PCSK1: variants seen among roughly 807,000 people sequenced by gnomAD.
PCSK1 encodes the protein neuroendocrine convertase 1.
In PCSK1, 56 loss-of-function variants were observed where a neutral mutation model predicts 90.6. The observed-to-expected ratio is 0.62, with a 90% CI of 0.50 to 0.77. The LOEUF (loss-of-function observed/expected upper bound fraction) is 0.77. Among genes scored for constraint, PCSK1 ranks in the 30% least tolerant of loss-of-function variants. The probability of loss-of-function intolerance (pLI) is 0.00; values close to 1 mark genes in which losing one functional copy is unlikely to be tolerated. For missense variants in PCSK1, 801 were observed against 932.6 expected (o/e 0.86, Z 1.84); for synonymous variants, 348 against 342.4 (o/e 1.02, Z -0.18).
chr5:96,419,997 T>C (rs1761069927), intron 5 of PCSK1, among the ~76,000 whole-genome samples: 1 of 152,070 alleles, frequency 6.6e-6, no homozygotes, highest in African/African-American at 2.4e-5. Flanking sequence ...GGAAGGACCG[T>C]ATACTGCCTA....
At chr5:96,419,893 G>C (rs567447244) in intron 5 of PCSK1, among the ~76,000 whole-genome samples, 14 of 152,082 alleles carry the variant, frequency 9.2e-5, no homozygotes, top group Non-Finnish European at 1.8e-4. Context: ...AAAAACTCCA[G>C]AGAATGTCAT....
At chr5:96,423,788 G>A (rs1761199438) in intron 3 of PCSK1, among the ~76,000 whole-genome samples, 10 of 152,070 alleles carry the variant, frequency 6.6e-5, no homozygotes, top group Admixed American at 6.5e-4. Context: ...TTTCATCTAT[G>A]GAAGCTCTAT....
intron 3 of PCSK1, 23 bp from the exon 4 acceptor site, chr5:96,423,482 C>T (rs745506699): frequency 6.2e-7 from 1 of 1,612,774 alleles, no homozygotes; most frequent in Non-Finnish European, 8.5e-7. Flanking sequence ...AACAACGAAG[C>T]ATTGATAAAA....
In PCSK1 at chr5:96,421,902, A is replaced by G; in HGVS notation, c.598T>C (p.Tyr200His). ...CACTTGTTCTCGTTTGTGGGATCAT[A>G]TCGGGGAAATGGATCATGGTCATTA... is the stretch of plus-strand genomic sequence containing the variant. ...NDNDHDPFPR[Y>H]DPTNENKHGT... The change falls in exon 5 of 14, where the codon TAT becomes CAT. Residue 200 changes from tyrosine (Y) to histidine (H), a missense_variant. Tyr to His is a moderately conservative substitution (Grantham distance 83). Transcript: ENST00000311106. 2 of 1,578,026 alleles carry G rather than the reference A, an allele frequency of 1.3e-6. No homozygotes were observed. The highest frequency in any genetic ancestry group is 1.7e-6 in the Non-Finnish European group (2 of 1,149,242).
chr5:96,424,027 G>T (rs1480681433), intron 3 of PCSK1, among the ~76,000 whole-genome samples: 3 of 152,198 alleles, frequency 2.0e-5, no homozygotes, highest in Non-Finnish European at 4.4e-5. Context: ...TGTGAGAGGA[G>T]ATTCAGGGTT....
intron 7 of PCSK1, among the ~76,000 whole-genome samples, chr5:96,411,892 C>T (rs1760765600): frequency 6.6e-6 from 1 of 152,218 alleles, no homozygotes; most frequent in South Asian, 2.1e-4. Context: ...TCACTGCTAC[C>T]TCCGCCTTCT....
chr5:96,432,758 T>A, intron 1 of PCSK1, 105 bp downstream of exon 1: 1 of 880,758 alleles, frequency 1.1e-6, no homozygotes, highest in Non-Finnish European at 1.9e-6. Flanking sequence ...TTTGCTACTC[T>A]GGGCTCTGGA....
chr5:96,400,815 C>T (rs375248216), intron 9 of PCSK1, among the ~76,000 whole-genome samples: 8 of 151,626 alleles, frequency 5.3e-5, no homozygotes, highest in Non-Finnish European at 8.8e-5. Context: ...AGGCTGGGCG[C>T]GGTGGCTCAC....
intron 9 of PCSK1, among the ~76,000 whole-genome samples, chr5:96,403,756 C>T (rs1760463926): frequency 6.6e-6 from 1 of 152,172 alleles, no homozygotes; most frequent in Non-Finnish European, 1.5e-5. Context: ...TCTAATCATA[C>T]CTAAATTAGC....
At chr5:96,412,836 G>T in intron 6 of PCSK1, 1 of 485,044 alleles carries the variant, frequency 2.1e-6, no homozygotes, top group Non-Finnish European at 2.8e-6. Context: ...AAGTGGAGCA[G>T]CATCCTTGGA....
In PCSK1 at chr5:96,432,318, C is replaced by T. The variant is rs1425997549; in HGVS notation, c.180+545G>A. On this transcript the variant is annotated intron_variant, in intron 1 of 13. Coordinates refer to ENST00000311106, the MANE Select transcript of PCSK1 (RefSeq NM_000439.5). The stretch of plus-strand genomic sequence containing the variant: ...CCTCCCAACCTCCTGGTCGCGAGTC[C>T]CAGCAGCTGGCACTCTTCCAATGCC... Among the ~76,000 whole-genome samples, 4 of 152,200 alleles carry T rather than the reference C, an allele frequency of 2.6e-5. 1 individual carries two copies. Among genetic ancestry groups the T allele is most frequent in the African/African-American group, 9.6e-5 (4 of 41,458 alleles).
chr5:96,391,040 A>G lies in PCSK1; in HGVS notation c.*1961T>C, dbSNP rs1299271540. ...ACTCTTTATTGGCCTTTCCGGGCCA[A>G]TCTAAGAATTCTCTGGTCCTTTTTA... On this transcript the variant is annotated 3_prime_UTR_variant, in exon 14 of 14. Transcript: ENST00000311106. The G allele has an allele frequency of 6.6e-6, 1 of 152,504 alleles. No homozygotes were observed. Among genetic ancestry groups the G allele is most frequent in the Non-Finnish European group, 1.5e-5 (1 of 68,034 alleles). The allele number at this position is 152,504 out of a possible 1,614,324, so 9.4% of individuals were successfully genotyped here.
In PCSK1 at chr5:96,410,901, G is replaced by C; in HGVS notation, c.968C>G (p.Thr323Arg). Residue 323 changes from threonine (T) to arginine (R), a missense_variant, in exon 8 of 14, where the codon ACA becomes AGA. Coordinates refer to ENST00000311106, the MANE Select transcript of PCSK1 (RefSeq NM_000439.5). ...GATGGAGATGGTGTAGATGCTGTCT[G>C]TGTAGCCATCACAGTCACAATTATC... ...QGDNCDCDGY[T>R]DSIYTISISS... is the part of the protein sequence containing the mutation. 1 of 1,613,938 alleles carries C rather than the reference G, an allele frequency of 6.2e-7. No individual in the cohort carries two copies. The highest frequency in any genetic ancestry group is 2.2e-5 in the East Asian group (1 of 44,870).
chr5:96,393,649 G>C (rs924138237), intron 13 of PCSK1, among the ~76,000 whole-genome samples: 1 of 152,184 alleles, frequency 6.6e-6, no homozygotes, highest in Non-Finnish European at 1.5e-5. Context: ...TTGAAGACTA[G>C]ATGAGACTGT....
intron 9 of PCSK1, among the ~76,000 whole-genome samples, chr5:96,407,783 T>C (rs1338054287): frequency 3.3e-5 from 5 of 152,216 alleles, no homozygotes; most frequent in African/African-American, 1.2e-4. Context: ...GGCTTACATA[T>C]TCAAAGAAAG....
chr5:96,409,481 G>C (rs1381039472), intron 8 of PCSK1, among the ~76,000 whole-genome samples: 14 of 152,186 alleles, frequency 9.2e-5, no homozygotes, highest in Non-Finnish European at 4.4e-5. Flanking sequence ...TTATGTTACT[G>C]AGACTGTCTC....
At chr5:96,423,276 C>A (rs894875682) in intron 4 of PCSK1, 37 bp downstream of exon 4, 2 of 1,581,098 alleles carry the variant, frequency 1.3e-6, no homozygotes, top group Non-Finnish European at 1.7e-6. Flanking sequence ...GCACAGACAG[C>A]TCCCTAAGTC....
intron 5 of PCSK1, among the ~76,000 whole-genome samples, chr5:96,418,277 T>C (rs1309251833): frequency 1.3e-5 from 2 of 152,248 alleles, no homozygotes; most frequent in African/African-American, 4.8e-5. Context: ...GGTGCTGCAG[T>C]AAAGAACTTT....
intron 6 of PCSK1, among the ~76,000 whole-genome samples, chr5:96,414,546 T>C (rs1172250378): frequency 6.6e-6 from 1 of 152,098 alleles, no homozygotes; most frequent in East Asian, 1.9e-4. Flanking sequence ...GCCTAATAAA[T>C]GAAGATTATT....
Sources: allele counts gnomAD v4.1 joint callset (sites outside exome capture counted in the v4.1 genomes callset), GRCh38; gene constraint gnomAD v4.1.1; transcripts MANE v1.5; gene names NCBI Gene and HGNC (gene_info 2026-07-23, HGNC 2026-07-21).